The following ADAMTS18 variants were observed in gnomAD, a reference collection of about 807,000 sequenced individuals.
ADAMTS18 encodes the protein A disintegrin and metalloproteinase with thrombospondin motifs 18.
Under a neutral mutation model 165.9 loss-of-function variants are expected in ADAMTS18, and 157 were observed. That is an observed-to-expected ratio of 0.95 (90% CI 0.83 to 1.08). ADAMTS18 has a LOEUF of 1.08. ADAMTS18 is among the 50% of genes least tolerant of loss of function. The pLI is 0.00. For missense variants in ADAMTS18, 2,040 were observed against 1,534.0 expected (o/e 1.33, Z -5.51); for synonymous variants, 782 against 578.2 (o/e 1.35, Z -5.06).
rs1178164140 is a variant in ADAMTS18, at chr16:77,363,930, A to G, written c.973-45T>C. 1.9e-6 allele frequency: 3 copies of G among 1,572,822 alleles called. No homozygotes were observed. The African/African-American group carries it at 4.1e-5, about 21-fold the overall frequency. On this transcript the variant is annotated intron_variant, in intron 5 of 22. Transcript: ENST00000282849. ...CAAACAAAATCTCAAAATTTTCAAA[A>G]CCTTAGGGGGAATCAATCAGACATA...
At chr16:77,390,785 A>T (rs1909800) in intron 3 of ADAMTS18, among the ~76,000 whole-genome samples, 25,988 of 152,100 alleles carry the variant, frequency 0.17, 2,370 homozygotes, top group East Asian at 0.23. Flanking sequence ...TGTTCAGTAC[A>T]GTAGTCACTA....
chr16:77,290,953 T>C, intron 21 of ADAMTS18: 1 of 426,886 alleles, frequency 2.3e-6, no homozygotes, highest in Non-Finnish European at 4.4e-6. Context: ...CGAGTGGTAG[T>C]TTCCGTAGCA....
intron 3 of ADAMTS18, among the ~76,000 whole-genome samples, chr16:77,387,141 G>C (rs1448412814): frequency 6.6e-6 from 1 of 152,156 alleles, no homozygotes; most frequent in Admixed American, 6.5e-5. Flanking sequence ...ATGTAACTGA[G>C]AGATAAATGG....
intron 12 of ADAMTS18, among the ~76,000 whole-genome samples, chr16:77,331,287 T>C (rs1164584783): frequency 6.6e-6 from 1 of 152,178 alleles, no homozygotes; most frequent in African/African-American, 2.4e-5. Flanking sequence ...AATTAGGTAA[T>C]CTATGTCTTT....
rs1415360634 is a variant in ADAMTS18 at position 77,282,201 on chromosome 16, TTTCTC to T, written c.*1750_*1754del. ...TAAATATTACACATATATTTTGACT[TTTCTC>T]TATAATCCATGGTTTTATTCAACAT... is the stretch of plus-strand genomic sequence containing the variant. On this transcript the variant is annotated 3_prime_UTR_variant, in exon 23 of 23. Transcript: ENST00000282849. The T allele has an allele frequency of 1.3e-5, 2 of 152,278 alleles. No individual in the cohort carries two copies. The highest frequency in any genetic ancestry group is 3.9e-4 in the East Asian group (2 of 5,194). The allele number at this position is 152,278 out of a possible 1,614,324, so 9.4% of individuals were successfully genotyped here.
At chr16:77,418,335 G>C (rs1000560772) in intron 3 of ADAMTS18, among the ~76,000 whole-genome samples, 2 of 152,158 alleles carry the variant, frequency 1.3e-5, no homozygotes, top group East Asian at 3.9e-4. Context: ...AAAGAATAGA[G>C]TTTGTGATTG....
chr16:77,306,554 C>T (rs543857559), intron 16 of ADAMTS18, among the ~76,000 whole-genome samples: 4 of 152,176 alleles, frequency 2.6e-5, no homozygotes, highest in South Asian at 4.1e-4. Flanking sequence ...TTATTTAAGG[C>T]CTCTTTTTTT....
chr16:77,373,177 G>T (rs532844008), intron 3 of ADAMTS18, among the ~76,000 whole-genome samples: 56 of 152,170 alleles, frequency 3.7e-4, no homozygotes, highest in Non-Finnish European at 5.6e-4. Context: ...CAGAGAAGCC[G>T]TACTCACGAC....
chr16:77,362,215 C>G lies in ADAMTS18; in HGVS notation c.1106G>C (p.Cys369Ser), dbSNP rs141113241. Residue 369 changes from cysteine to serine, a missense_variant, in exon 7 of 23, where the codon TGT becomes TCT. Physicochemically the swap from Cys to Ser is moderately radical, Grantham distance 112. Transcript: ENST00000282849. The stretch of plus-strand genomic sequence containing the variant: ...TCCAATGAGGGCAGACTGCCATTGA[C>G]AAAAACTATTCAGAGACTGGTCTGC... ...HHADQSLNSF[C>S]QWQSALIGKN... 6.2e-7 allele frequency: 1 copy of G among 1,614,020 alleles called. No individual in the cohort carries two copies. The highest frequency in any genetic ancestry group is 8.5e-7 in the Non-Finnish European group (1 of 1,180,014).
chr16:77,282,304 CATAAAATA>C lies in ADAMTS18; in HGVS notation c.*1644_*1651del, dbSNP rs2055160999. On this transcript the variant is annotated 3_prime_UTR_variant, in exon 23 of 23. Coordinates refer to ENST00000282849, the MANE Select transcript of ADAMTS18 (RefSeq NM_199355.4). The stretch of plus-strand genomic sequence containing the variant: ...GCTATTAATTAATAAATTAATTTTC[CATAAAATA>C]ATAAAATGATAATTATATAAAGAAA... The C allele has an allele frequency of 6.6e-6, 1 of 151,822 alleles. No homozygotes were observed. Among genetic ancestry groups the C allele is most frequent in the South Asian group, 2.1e-4 (1 of 4,812 alleles). 9.4% of individuals were successfully genotyped at this position (151,822 alleles called of 1,614,324 possible). A position where few individuals can be genotyped will look rare whatever the true frequency, so the allele number is the denominator to read the frequency against.
intron 3 of ADAMTS18, among the ~76,000 whole-genome samples, chr16:77,391,645 T>G (rs982169748): frequency 1.3e-5 from 2 of 152,186 alleles, no homozygotes; most frequent in African/African-American, 4.8e-5. Context: ...TTCCTTTTAA[T>G]AGTTGCAAAG....
chr16:77,335,930 T>C, intron 11 of ADAMTS18, 26 bp from the exon 12 acceptor site: 1 of 1,614,016 alleles, frequency 6.2e-7, no homozygotes, highest in Non-Finnish European at 8.5e-7. Context: ...GTAAGATGGT[T>C]CCCGTCAGAG....
At chr16:77,402,473 TG>T (rs902456193) in intron 3 of ADAMTS18, among the ~76,000 whole-genome samples, 1 of 152,084 alleles carries the variant, frequency 6.6e-6, no homozygotes, top group Non-Finnish European at 1.5e-5. Flanking sequence ...AATCCCTGGG[TG>T]GGGCCTGGAG....
At chr16:77,311,515 A>G (rs760441332) in intron 16 of ADAMTS18, among the ~76,000 whole-genome samples, 16 of 152,160 alleles carry the variant, frequency 1.1e-4, no homozygotes, top group Non-Finnish European at 2.2e-4. Context: ...TTTATTGCTT[A>G]TTATAATTTT....
chr16:77,300,535 C>T, intron 16 of ADAMTS18, 131 bp from the exon 17 acceptor site: 1 of 1,049,622 alleles, frequency 9.5e-7, no homozygotes, highest in South Asian at 1.3e-5. Flanking sequence ...TCATTGTTCC[C>T]AAGTATGTTT....
At chr16:77,314,619 A>G (rs2055846575) in intron 16 of ADAMTS18, among the ~76,000 whole-genome samples, 1 of 73,722 alleles carries the variant, frequency 1.4e-5, no homozygotes, top group Non-Finnish European at 3.3e-5. Context: ...TCTCAAAAAA[A>G]AAAAAATGTG....
At chr16:77,316,476 A>T (rs2055889431) in intron 16 of ADAMTS18, among the ~76,000 whole-genome samples, 1 of 151,584 alleles carries the variant, frequency 6.6e-6, no homozygotes, top group African/African-American at 2.4e-5. Flanking sequence ...GGATGGTGTA[A>T]ACCACCCTCT....
At chr16:77,360,340 G>A (rs2056694452) in intron 7 of ADAMTS18, among the ~76,000 whole-genome samples, 1 of 152,180 alleles carries the variant, frequency 6.6e-6, no homozygotes, top group Non-Finnish European at 1.5e-5. Flanking sequence ...GGAAACCAAA[G>A]CTCAGAGAGG....
chr16:77,415,185 C>T (rs775603347), intron 3 of ADAMTS18, among the ~76,000 whole-genome samples: 29 of 152,328 alleles, frequency 1.9e-4, no homozygotes, highest in African/African-American at 5.8e-4. Context: ...TTGCCCATTG[C>T]GTCTACCTGT....
Sources: allele counts gnomAD v4.1 joint callset (sites outside exome capture counted in the v4.1 genomes callset), GRCh38; gene constraint gnomAD v4.1.1; transcripts MANE v1.5; gene names NCBI Gene and HGNC (gene_info 2026-07-23, HGNC 2026-07-21).